NOL4: variants seen among roughly 807,000 people sequenced by gnomAD.
NOL4 encodes the protein cancer/testis antigen 125.
In NOL4, 17 loss-of-function variants were observed where a neutral mutation model predicts 75.9. The observed-to-expected ratio is 0.22, with a 90% CI of 0.15 to 0.34. The LOEUF (loss-of-function observed/expected upper bound fraction) is 0.34. Among genes scored for constraint, NOL4 ranks in the 10% least tolerant of loss-of-function variants. The probability of loss-of-function intolerance (pLI) is 1.00; values close to 1 mark genes in which losing one functional copy is unlikely to be tolerated. For missense variants in NOL4, 614 were observed against 793.5 expected (o/e 0.77, Z 2.72); for synonymous variants, 292 against 289.9 (o/e 1.01, Z -0.07).
intron 9 of NOL4, among the ~76,000 whole-genome samples, chr18:33,904,432 G>C (rs932159841): frequency 6.6e-6 from 1 of 151,946 alleles, no homozygotes; most frequent in Admixed American, 6.6e-5. Context: ...TTAGTTCCCA[G>C]CCATGAACTA....
intron 1 of NOL4, among the ~76,000 whole-genome samples, chr18:34,203,719 A>T (rs28417200): frequency 0.23 from 10,126 of 43,742 alleles, 361 homozygotes; most frequent in Non-Finnish European, 0.31. Context: ...TCTCTCTCTC[A>T]CACACACACA....
intron 5 of NOL4, among the ~76,000 whole-genome samples, chr18:34,055,219 T>C (rs1047566222): frequency 6.6e-6 from 1 of 151,966 alleles, no homozygotes; most frequent in African/African-American, 2.4e-5. Flanking sequence ...TATGTGGCCA[T>C]GTATTTTTCT....
chr18:34,001,314 T>C (rs2073686720), intron 6 of NOL4, among the ~76,000 whole-genome samples: 4 of 152,172 alleles, frequency 2.6e-5, no homozygotes, highest in Non-Finnish European at 5.9e-5. Flanking sequence ...CATTTCCTAA[T>C]CACGGACTGT....
intron 10 of NOL4, among the ~76,000 whole-genome samples, chr18:33,873,883 C>T (rs2063810019): frequency 6.6e-6 from 1 of 151,772 alleles, no homozygotes; most frequent in Non-Finnish European, 1.5e-5. Flanking sequence ...GAAAATTTAG[C>T]CAGAAAATTA....
intron 6 of NOL4, among the ~76,000 whole-genome samples, chr18:33,959,719 C>T (rs1418050165): frequency 1.3e-5 from 2 of 152,024 alleles, no homozygotes; most frequent in South Asian, 4.1e-4. Context: ...AGAACAACTG[C>T]ATACCTAGTC....
At chr18:34,203,717 T>TCACACA (rs60755450) in intron 1 of NOL4, among the ~76,000 whole-genome samples, 1,544 of 72,248 alleles carry the variant, frequency 0.021, 54 homozygotes, top group African/African-American at 0.049. Context: ...TCTCTCTCTC[T>TCACACA]CACACACACA....
chr18:33,972,653 T>C (rs1196844401), intron 6 of NOL4, among the ~76,000 whole-genome samples: 1 of 152,210 alleles, frequency 6.6e-6, no homozygotes, highest in Non-Finnish European at 1.5e-5. Flanking sequence ...GGTTGGGTTT[T>C]CAACCACTGC....
chr18:34,053,948 T>C (rs1453593927), intron 5 of NOL4, among the ~76,000 whole-genome samples: 2 of 151,934 alleles, frequency 1.3e-5, no homozygotes, highest in Non-Finnish European at 2.9e-5. Flanking sequence ...TCAACATGGA[T>C]ATGGTTTCAT....
chr18:34,164,805 G>A (rs553034705), intron 1 of NOL4, among the ~76,000 whole-genome samples: 7 of 151,646 alleles, frequency 4.6e-5, no homozygotes, highest in South Asian at 2.1e-4. Context: ...TGTTTATTGC[G>A]GCACTATTCA....
intron 5 of NOL4, among the ~76,000 whole-genome samples, chr18:34,086,584 C>G (rs114698052): frequency 0.015 from 2,331 of 152,182 alleles, 55 homozygotes; most frequent in African/African-American, 0.053. Flanking sequence ...AAATGGTGAA[C>G]AGCACATAGT....
chr18:33,948,995 G>GA (rs1568111946), intron 8 of NOL4, among the ~76,000 whole-genome samples: 2 of 151,948 alleles, frequency 1.3e-5, no homozygotes, highest in Non-Finnish European at 2.9e-5. Flanking sequence ...TCAGCTGGCA[G>GA]AAAAAAACTG....
chr18:33,936,091 T>C (rs2068038637), intron 9 of NOL4, among the ~76,000 whole-genome samples: 1 of 152,120 alleles, frequency 6.6e-6, no homozygotes, highest in Admixed American at 6.6e-5. Context: ...AACTGCAGAA[T>C]TAAATGTGAA....
intron 10 of NOL4, among the ~76,000 whole-genome samples, chr18:33,873,422 T>C (rs530667444): frequency 2.6e-5 from 4 of 152,120 alleles, no homozygotes; most frequent in Non-Finnish European, 5.9e-5. Flanking sequence ...TTAATTATGG[T>C]AAACATGTCT....
rs979381882 is a variant in NOL4, at chr18:33,994,942, G to A, written c.1056+24376C>T. Among the ~76,000 whole-genome samples the A allele has an allele frequency of 7.9e-5, 12 of 151,428 alleles. No homozygotes were observed. The East Asian group carries it at 2.1e-3, about 27-fold the overall frequency. Reference sequence around the variant, plus strand: ...AAAAACTAATGTTCCAAATATAAGTGAAACAGGGAACTAACAGAAATAAAA... The same window carrying A: ...AAAAACTAATGTTCCAAATATAAGTAAAACAGGGAACTAACAGAAATAAAA... On this transcript the variant is annotated intron_variant, in intron 6 of 10. Coordinates refer to ENST00000261592, the MANE Select transcript of NOL4 (RefSeq NM_003787.5).
chr18:34,062,889 G>A (rs537547548), intron 5 of NOL4, among the ~76,000 whole-genome samples: 8 of 152,100 alleles, frequency 5.3e-5, no homozygotes, highest in Middle Eastern at 3.4e-3. Flanking sequence ...AACCAAAAAC[G>A]TTGCTAATAT....
At chr18:33,895,906 C>G (rs1458825572) in intron 9 of NOL4, among the ~76,000 whole-genome samples, 1 of 152,018 alleles carries the variant, frequency 6.6e-6, no homozygotes, top group Non-Finnish European at 1.5e-5. Context: ...TAGAAAACCT[C>G]ATAGTCTCAG....
intron 9 of NOL4, among the ~76,000 whole-genome samples, chr18:33,889,016 A>G (rs1052801983): frequency 2.6e-5 from 4 of 152,154 alleles, no homozygotes; most frequent in African/African-American, 9.7e-5. Flanking sequence ...AATAACTAAG[A>G]TCAGAGCAGA....
chr18:33,928,675 T>C (rs1455233186), intron 9 of NOL4, among the ~76,000 whole-genome samples: 2 of 152,132 alleles, frequency 1.3e-5, no homozygotes, highest in Non-Finnish European at 2.9e-5. Context: ...TAAACAGAAG[T>C]ACTCTTATTC....
At chr18:33,978,712 T>C (rs777958829) in intron 6 of NOL4, among the ~76,000 whole-genome samples, 5 of 152,078 alleles carry the variant, frequency 3.3e-5, no homozygotes, top group Non-Finnish European at 7.4e-5. Flanking sequence ...AGTATTTGCA[T>C]ACTACCTATG....
Sources: allele counts gnomAD v4.1 joint callset (sites outside exome capture counted in the v4.1 genomes callset), GRCh38; gene constraint gnomAD v4.1.1; transcripts MANE v1.5; gene names NCBI Gene and HGNC (gene_info 2026-07-23, HGNC 2026-07-21).